The following KPNA6 variants were observed in gnomAD, a reference collection of about 807,000 sequenced individuals.
KPNA6 encodes karyopherin subunit alpha 6.
KPNA6 carries 9 observed loss-of-function variants against 72.0 expected under a neutral mutation model. The observed-to-expected ratio is 0.13, with a 90% CI of 0.08 to 0.22. KPNA6 has a LOEUF of 0.22. Ranked by LOEUF, KPNA6 falls within the 10% of genes least tolerant of loss-of-function variation. KPNA6 has a pLI of 1.00. For synonymous variants in KPNA6, 219 were observed against 242.1 expected (o/e 0.90, Z 0.89); for missense variants, 374 against 655.7 (o/e 0.57, Z 4.69).
chr1:32,113,501 G>T (rs1641275417), intron 1 of KPNA6, among the ~76,000 whole-genome samples: 3 of 152,070 alleles, frequency 2.0e-5, no homozygotes, highest in Admixed American at 6.6e-5. Context: ...ACACAGGCTG[G>T]AATGCAGTGG....
chr1:32,151,078 G>A (rs1484935381), intron 1 of KPNA6, among the ~76,000 whole-genome samples: 1 of 152,148 alleles, frequency 6.6e-6, no homozygotes, highest in Non-Finnish European at 1.5e-5. Context: ...ATAGGCATGA[G>A]CCACCATGCC....
At position 32,170,026 on chromosome 1, in the gene KPNA6, C is replaced by G. The variant is rs1450467927; in HGVS notation, c.1389C>G (p.Val463=). The change falls in exon 13 of 14, where the codon GTC becomes GTG. Residue 463 remains valine, a synonymous_variant. Transcript: ENST00000373625. ...EQEGKRSGSG[V]NPYCGLIEEA... ...AGGGCAAGCGCAGTGGCTCAGGGGT[C>G]AATCCTTATTGTGGCCTCATAGAGG... 1 of 1,613,976 alleles carries G rather than the reference C, an allele frequency of 6.2e-7. No individual in the cohort carries two copies. The highest frequency in any genetic ancestry group is 1.3e-5 in the African/African-American group (1 of 74,900).
rs922540554 is a variant in KPNA6 at position 32,129,204 on chromosome 1, C to T, written c.4+21070C>T. ...TTTGAGACAGGCTCTAGCTCTGTTG[C>T]CCAGGCTGGAGTGCAGTGTGAGATG... On this transcript the variant is annotated intron_variant, in intron 1 of 13. Coordinates refer to ENST00000373625, the MANE Select transcript of KPNA6 (RefSeq NM_012316.5). Among the ~76,000 whole-genome samples, 10 of 149,802 alleles carry T rather than the reference C, an allele frequency of 6.7e-5. 1 individual carries two copies. Among genetic ancestry groups the T allele is most frequent in the Non-Finnish European group, 1.3e-4 (9 of 67,672 alleles).
At chr1:32,115,302 A>AT (rs959548567) in intron 1 of KPNA6, among the ~76,000 whole-genome samples, 6 of 150,402 alleles carry the variant, frequency 4.0e-5, no homozygotes, top group Admixed American at 1.3e-4. Context: ...CGCCCGGCTA[A>AT]TTTTTTTTTG....
Position 32,140,150 on chromosome 1 carries a change from C to T in KPNA6, c.5-14438C>T, listed in dbSNP as rs1022326665. Among the ~76,000 whole-genome samples, 38 of 151,946 alleles carry T rather than the reference C, an allele frequency of 2.5e-4. 1 individual carries two copies. The highest frequency in any genetic ancestry group is 2.1e-4 in the South Asian group (1 of 4,812). On this transcript the variant is annotated intron_variant, in intron 1 of 13. Transcript: ENST00000373625. ...CTGTAATCCCAGCACTTTGGGAGGCCGAGGCAGGCGGATCACAAGGTCAGG... is the reference window on the plus strand; with the variant it reads ...CTGTAATCCCAGCACTTTGGGAGGCTGAGGCAGGCGGATCACAAGGTCAGG...
chr1:32,108,769 C>T (rs984257976), intron 1 of KPNA6, among the ~76,000 whole-genome samples: 2 of 152,216 alleles, frequency 1.3e-5, no homozygotes, highest in Admixed American at 6.5e-5. Context: ...AAGGCCAAGT[C>T]CTCTTGGCCA....
chr1:32,138,208 A>C (rs1406343538), intron 1 of KPNA6, among the ~76,000 whole-genome samples: 3 of 152,048 alleles, frequency 2.0e-5, no homozygotes, highest in Non-Finnish European at 4.4e-5. Context: ...GCTGGTAGGC[A>C]AGATGTTTTG....
At chr1:32,161,905 A>G (rs1642244704) in intron 7 of KPNA6, 42 bp from the exon 8 acceptor site, 2 of 1,477,790 alleles carry the variant, frequency 1.4e-6, no homozygotes, top group African/African-American at 2.8e-5. Context: ...GTCCTATGCC[A>G]AGGCCTCAGT....
At chr1:32,113,144 A>G (rs1030695992) in intron 1 of KPNA6, among the ~76,000 whole-genome samples, 3 of 152,142 alleles carry the variant, frequency 2.0e-5, no homozygotes, top group Non-Finnish European at 2.9e-5. Flanking sequence ...TGATGCCAGC[A>G]CTTTGAGAGG....
intron 1 of KPNA6, among the ~76,000 whole-genome samples, chr1:32,132,218 G>T (rs1193693971): frequency 6.6e-6 from 1 of 152,110 alleles, no homozygotes; most frequent in Non-Finnish European, 1.5e-5. Context: ...TGATCTGCCC[G>T]CCTTGGCTCC....
chr1:32,166,891 T>C lies in KPNA6; in HGVS notation c.1117-278T>C, dbSNP rs566343178. On this transcript the variant is annotated intron_variant, in intron 11 of 13. Coordinates refer to ENST00000373625, the MANE Select transcript of KPNA6 (RefSeq NM_012316.5). ...AGGTGGAGCTTGCAGTGAGCCGAGA[T>C]CGCGCCACTGCACTCCAGCCTGGGT... 3.2e-4 allele frequency among the ~76,000 whole-genome samples: 49 copies of C among 152,048 alleles called. 1 individual carries two copies. The South Asian group carries it at 0.01, about 31-fold the overall frequency.
chr1:32,139,506 C>T (rs72666755), intron 1 of KPNA6, among the ~76,000 whole-genome samples: 19,646 of 152,076 alleles, frequency 0.13, 1,709 homozygotes, highest in South Asian at 0.25. Flanking sequence ...AAGTTATTTT[C>T]AACCTGAATC....
intron 1 of KPNA6, chr1:32,142,934 G>C: frequency 7.8e-7 from 1 of 1,288,332 alleles, no homozygotes; most frequent in Non-Finnish European, 1.0e-6. Flanking sequence ...GCTCAGCATG[G>C]CTCTCCTCCC....
chr1:32,162,596 G>A lies in KPNA6; in HGVS notation c.911+72G>A, dbSNP rs1570067002. On this transcript the variant is annotated intron_variant, in intron 9 of 13. Coordinates refer to ENST00000373625, the MANE Select transcript of KPNA6 (RefSeq NM_012316.5). ...TTATGCTTATAATCCCAGCACTTTG[G>A]GATGCCAAGGTGGGCGGATCACAAG... is the stretch of plus-strand genomic sequence containing the variant. 12 of 1,541,538 alleles carry A rather than the reference G, an allele frequency of 7.8e-6. No homozygotes were observed. The East Asian group carries it at 2.7e-4, about 35-fold the overall frequency.
intron 4 of KPNA6, among the ~76,000 whole-genome samples, chr1:32,157,968 G>A (rs1476459297): frequency 6.6e-6 from 1 of 152,188 alleles, no homozygotes; most frequent in East Asian, 1.9e-4. Context: ...AAAGGGAAAT[G>A]TGCAGACCAT....
intron 13 of KPNA6, 132 bp downstream of exon 13, chr1:32,170,192 T>C: frequency 1.3e-6 from 1 of 769,874 alleles, no homozygotes. Context: ...GTCTGTGTCT[T>C]CAGAACAGTT....
intron 1 of KPNA6, among the ~76,000 whole-genome samples, chr1:32,114,162 C>T (rs1024017541): frequency 5.3e-5 from 8 of 151,816 alleles, no homozygotes; most frequent in African/African-American, 1.2e-4. Context: ...AACATTAGGC[C>T]GGCGCAATGG....
chr1:32,150,180 T>C (rs1186140316), intron 1 of KPNA6, among the ~76,000 whole-genome samples: 2 of 145,784 alleles, frequency 1.4e-5, no homozygotes, highest in Non-Finnish European at 3.0e-5. Context: ...TTGCCCAGGC[T>C]GTAGTGCAGT....
chr1:32,127,040 T>A (rs1390172153), intron 1 of KPNA6, among the ~76,000 whole-genome samples: 1 of 152,206 alleles, frequency 6.6e-6, no homozygotes, highest in Non-Finnish European at 1.5e-5. Context: ...ATTTAGGCCC[T>A]AGATACTTTC....
Sources: allele counts gnomAD v4.1 joint callset (sites outside exome capture counted in the v4.1 genomes callset), GRCh38; gene constraint gnomAD v4.1.1; transcripts MANE v1.5; gene names NCBI Gene and HGNC (gene_info 2026-07-23, HGNC 2026-07-21).